The following ORC5 variants were observed in gnomAD, a reference collection of about 807,000 sequenced individuals.
ORC5 encodes the protein protein phosphatase 1, regulatory subunit 117.
Under a neutral mutation model 58.8 loss-of-function variants are expected in ORC5, and 39 were observed. The observed-to-expected ratio is 0.66, with a 90% CI of 0.51 to 0.87. ORC5 has a LOEUF of 0.87. Among genes scored for constraint, ORC5 ranks in the 40% least tolerant of loss-of-function variants. ORC5 has a pLI of 0.00. For synonymous variants in ORC5, 218 were observed against 177.6 expected (o/e 1.23, Z -1.81); for missense variants, 493 against 506.3 (o/e 0.97, Z 0.25).
At position 104,136,130 on chromosome 7, in the gene ORC5, A is replaced by G. The variant is rs1420734166; in HGVS notation, c.1262+651T>C. On this transcript the variant is annotated intron_variant, in intron 13 of 13. Coordinates refer to ENST00000297431, the MANE Select transcript of ORC5 (RefSeq NM_002553.4). The surrounding 1 kb of genome is among the most constrained non-coding windows in gnomAD (Gnocchi z 4.2). ...TAACATTCTAGAATTACTCAGAATTAGCTTCATTCATTTTGCACGACAGCC... is the reference window on the plus strand; with the variant it reads ...TAACATTCTAGAATTACTCAGAATTGGCTTCATTCATTTTGCACGACAGCC... Among the ~76,000 whole-genome samples, 1 of 152,214 alleles carries G rather than the reference A, an allele frequency of 6.6e-6. No homozygotes were observed. Among genetic ancestry groups the G allele is most frequent in the Non-Finnish European group, 1.5e-5 (1 of 68,044 alleles).
chr7:104,131,051 C>T (rs1281938051), intron 13 of ORC5, among the ~76,000 whole-genome samples: 10 of 152,182 alleles, frequency 6.6e-5, no homozygotes. Flanking sequence ...GAGAAGATCA[C>T]AAGTCTCACA....
chr7:104,192,788 A>C (rs1197359875), intron 5 of ORC5, among the ~76,000 whole-genome samples: 1 of 152,046 alleles, frequency 6.6e-6, no homozygotes, highest in Non-Finnish European at 1.5e-5. Flanking sequence ...TCAAGGATAC[A>C]AAAGAAAACA....
In ORC5 at chr7:104,207,972, T is replaced by C. The variant is rs1402816567; in HGVS notation, c.-68A>G. On this transcript the variant is annotated 5_prime_UTR_variant, in exon 1 of 14. Transcript: ENST00000297431. ...GGACCCTTGCACAAGACGGAGCCTCTCCCGAGTCTGGCGGCCCACGCTCCC... is the reference window on the plus strand; with the variant it reads ...GGACCCTTGCACAAGACGGAGCCTCCCCCGAGTCTGGCGGCCCACGCTCCC... 6 of 1,445,740 alleles carry C rather than the reference T, an allele frequency of 4.2e-6. No homozygotes were observed. The highest frequency in any genetic ancestry group is 5.8e-6 in the Non-Finnish European group (6 of 1,034,664). The allele number at this position is 1,445,740 out of a possible 1,614,324, so 89.6% of individuals were successfully genotyped here.
Position 104,207,922 on chromosome 7 carries a change from C to A in ORC5, c.-18G>T. The A allele has an allele frequency of 6.2e-7, 1 of 1,609,424 alleles. No homozygotes were observed. Among genetic ancestry groups the A allele is most frequent in the Non-Finnish European group, 8.5e-7 (1 of 1,176,424 alleles). ...TGGGGCATTCTGGCAGGCACCACCG[C>A]AGAGGCCAGTGCAGCCAGCCCACAG... is the stretch of plus-strand genomic sequence containing the variant. On this transcript the variant is annotated 5_prime_UTR_variant, in exon 1 of 14. Transcript: ENST00000297431.
In ORC5 at chr7:104,188,263, C is replaced by T; in HGVS notation, c.672G>A (p.Glu224=). 1 of 1,611,272 alleles carries T rather than the reference C, an allele frequency of 6.2e-7. No homozygotes were observed. Among genetic ancestry groups the T allele is most frequent in the Non-Finnish European group, 8.5e-7 (1 of 1,178,312 alleles). Residue 224 remains glutamate, a synonymous_variant, in exon 6 of 14, where the codon GAG becomes GAA. Coordinates refer to ENST00000297431, the MANE Select transcript of ORC5 (RefSeq NM_002553.4). ...VFYTVCRDLK[E]LRHLAVLNFP... ...AATGTTCATTTACCAGATGTCTGAG[C>T]TCTTTCAAATCTCGACAAACAGTGT...
chr7:104,168,587 A>C (rs1799148432), intron 8 of ORC5, 62 bp from the exon 9 acceptor site: 2 of 1,074,362 alleles, frequency 1.9e-6, no homozygotes, highest in Admixed American at 5.2e-5. Context: ...TGGTGTACTT[A>C]AAACAGAGCC....
intron 8 of ORC5, among the ~76,000 whole-genome samples, chr7:104,180,678 T>C (rs1372207812): frequency 6.6e-6 from 1 of 152,188 alleles, no homozygotes; most frequent in Non-Finnish European, 1.5e-5. Flanking sequence ...AATGATTAAA[T>C]TTATTTTGTA....
chr7:104,141,015 A>C (rs373364634), intron 12 of ORC5, among the ~76,000 whole-genome samples: 26 of 152,348 alleles, frequency 1.7e-4, no homozygotes, highest in Non-Finnish European at 2.6e-4. Context: ...ATGGTGCCAG[A>C]AACTCACCTG....
At chr7:104,175,378 T>G (rs1190824448) in intron 8 of ORC5, among the ~76,000 whole-genome samples, 2 of 152,222 alleles carry the variant, frequency 1.3e-5, no homozygotes, top group East Asian at 3.8e-4. Flanking sequence ...CTTTTTCTGC[T>G]GGTATTGAGA....
intron 3 of ORC5, 90 bp from the exon 4 acceptor site, chr7:104,197,889 T>G: frequency 1.3e-6 from 1 of 763,614 alleles, no homozygotes; most frequent in East Asian, 2.7e-5. Flanking sequence ...CCAAAGTTCA[T>G]GTGTTGGAAC....
chr7:104,183,119 G>C (rs561749976), intron 8 of ORC5, among the ~76,000 whole-genome samples: 2 of 152,266 alleles, frequency 1.3e-5, no homozygotes, highest in Admixed American at 1.3e-4. Flanking sequence ...TGGGCAACAA[G>C]AGCGAAACTA....
chr7:104,205,592 GC>G (rs1800059724), intron 1 of ORC5, among the ~76,000 whole-genome samples: 2 of 152,074 alleles, frequency 1.3e-5, no homozygotes, highest in Admixed American at 6.6e-5. Context: ...TTTCTAAATG[GC>G]ATACAGCTAT....
At chr7:104,204,049 T>A (rs1800012243) in intron 2 of ORC5, 93 bp downstream of exon 2, 1 of 590,764 alleles carries the variant, frequency 1.7e-6, no homozygotes, top group Non-Finnish European at 3.0e-6. Flanking sequence ...AAAGGTGGTA[T>A]GTTCAATTTT....
intron 8 of ORC5, among the ~76,000 whole-genome samples, chr7:104,170,705 T>C (rs893339335): frequency 2.0e-5 from 3 of 152,232 alleles, no homozygotes; most frequent in Non-Finnish European, 2.9e-5. Context: ...AGTTTCAGAA[T>C]TGATCATTCT....
chr7:104,183,131 G>A (rs148033385), intron 8 of ORC5, among the ~76,000 whole-genome samples: 14 of 152,196 alleles, frequency 9.2e-5, no homozygotes, highest in South Asian at 2.1e-4. Context: ...GCGAAACTAC[G>A]TCTCAAAAAA....
intron 12 of ORC5, among the ~76,000 whole-genome samples, chr7:104,141,191 G>A (rs1798667579): frequency 6.6e-6 from 1 of 152,200 alleles, no homozygotes. Flanking sequence ...CATAAAGGGA[G>A]CATTCAACAG....
chr7:104,207,926 G>T lies in ORC5; in HGVS notation c.-22C>A, dbSNP rs199857670. 1 of 1,611,694 alleles carries T rather than the reference G, an allele frequency of 6.2e-7. No homozygotes were observed. The highest frequency in any genetic ancestry group is 1.3e-5 in the African/African-American group (1 of 75,004). On this transcript the variant is annotated 5_prime_UTR_variant, in exon 1 of 14. Coordinates refer to ENST00000297431, the MANE Select transcript of ORC5 (RefSeq NM_002553.4). ...GCATTCTGGCAGGCACCACCGCAGA[G>T]GCCAGTGCAGCCAGCCCACAGGACC...
At chr7:104,132,970 C>T (rs529608024) in intron 13 of ORC5, among the ~76,000 whole-genome samples, 29 of 152,030 alleles carry the variant, frequency 1.9e-4, no homozygotes, top group African/African-American at 6.5e-4. Context: ...GCTGTATATA[C>T]AAGCATGGGA....
At chr7:104,184,896 G>A (rs969294009) in intron 6 of ORC5, among the ~76,000 whole-genome samples, 13 of 152,260 alleles carry the variant, frequency 8.5e-5, no homozygotes, top group African/African-American at 3.1e-4. Flanking sequence ...TGCCTATGAG[G>A]TTTCATTTGC....
Sources: allele counts gnomAD v4.1 joint callset (sites outside exome capture counted in the v4.1 genomes callset), GRCh38; gene constraint gnomAD v4.1.1; non-coding constraint Gnocchi (gnomAD v3.1); transcripts MANE v1.5; gene names NCBI Gene and HGNC (gene_info 2026-07-23, HGNC 2026-07-21).